JADE3: variants seen among roughly 807,000 people sequenced by gnomAD.
JADE3 encodes jade family PHD finger 3.
A neutral mutation model predicts 50.1 loss-of-function variants in JADE3; 2 were observed. The observed-to-expected ratio is 0.04, with a 90% CI of 0.02 to 0.13. The LOEUF is 0.13. JADE3 is among the 10% of genes least tolerant of loss of function. The pLI is 1.00. For missense variants in JADE3, 475 were observed against 634.4 expected, an observed-to-expected ratio of 0.75 and a Z score of 2.70; for synonymous variants, 218 against 232.9, an observed-to-expected ratio of 0.94 and a Z score of 0.58.
intron 7 of JADE3, among the ~76,000 whole-genome samples, chrX:47,035,177 G>A (rs1431548606): frequency 5.4e-5 from 6 of 110,498 alleles, no homozygotes; most frequent in African/African-American, 2.0e-4. Context: ...CAGCAAATTT[G>A]TTAGGCAGTT....
In JADE3 at chrX:47,035,378, A is replaced by G. The variant is rs782518199; in HGVS notation, c.855+1590A>G. On this transcript the variant is annotated intron_variant, in intron 7 of 10. Transcript: ENST00000614628. ...TATATACTTTTGTATTCCTATGGCT[A>G]TAGACATCAGTATTTTAAAAAAATA... Among the ~76,000 whole-genome samples, 4 of 112,147 alleles carry G rather than the reference A, an allele frequency of 3.6e-5. No individual in the cohort carries two copies. In the South Asian group the frequency reaches 1.5e-3, roughly 41 times the overall value.
Position 46,920,705 on chromosome X carries a change from C to T in JADE3, c.-12+7986C>T, listed in dbSNP as rs782297782. 2.2e-4 allele frequency among the ~76,000 whole-genome samples: 25 copies of T among 112,575 alleles called. No homozygotes were observed. The East Asian group carries it at 6.4e-3, about 29-fold the overall frequency. The stretch of plus-strand genomic sequence containing the variant: ...TATGGATGTCTAGTTGTCCCAGCAC[C>T]ACTTGTTGAAAAGACTACCCTTTCT... On this transcript the variant is annotated intron_variant, in intron 1 of 10. Coordinates refer to ENST00000614628, the MANE Select transcript of JADE3 (RefSeq NM_014735.5).
chrX:47,058,814 A>G lies in JADE3; in HGVS notation c.2209A>G (p.Thr737Ala). ...GGACCTCCAGTGCTATGTGAAGCCA[A>G]CCAAGAATATGAGCCCCAAGGAGCA... is the stretch of plus-strand genomic sequence containing the variant. ...TEDLQCYVKP[T>A]KNMSPKEQFW... Residue 737 changes from threonine (T) to alanine (A), a missense_variant, in exon 11 of 11, where the codon ACC (threonine) becomes GCC (alanine). This residue lies in a region of JADE3 where 243 missense variants were observed against 238.2 expected (regional missense o/e 1.02). Coordinates refer to ENST00000614628, the MANE Select transcript of JADE3 (RefSeq NM_014735.5). 1.7e-6 allele frequency: 2 copies of G among 1,210,844 alleles called. No homozygotes were observed. The highest frequency in any genetic ancestry group is 2.2e-5 in the Admixed American group (1 of 46,004).
intron 4 of JADE3, among the ~76,000 whole-genome samples, chrX:47,024,506 A>T (rs1472740424): frequency 1.8e-5 from 2 of 111,872 alleles, no homozygotes; most frequent in African/African-American, 6.5e-5. Flanking sequence ...AAATTTTTTT[A>T]AAAATTAGAA....
At chrX:46,934,687 G>A (rs1458805126) in intron 1 of JADE3, among the ~76,000 whole-genome samples, 2 of 109,439 alleles carry the variant, frequency 1.8e-5, no homozygotes, top group Admixed American at 9.8e-5. Context: ...CAACTACCTC[G>A]GCCTCCCAAA....
At chrX:47,040,285 A>G (rs1255967748) in intron 8 of JADE3, among the ~76,000 whole-genome samples, 3 of 112,136 alleles carry the variant, frequency 2.7e-5, no homozygotes, top group Non-Finnish European at 5.6e-5. Context: ...GTACTGGTCC[A>G]TGGCCTGTTA....
At chrX:46,930,950 A>C (rs1191543076) in intron 1 of JADE3, among the ~76,000 whole-genome samples, 6 of 111,806 alleles carry the variant, frequency 5.4e-5, no homozygotes, top group Non-Finnish European at 1.1e-4. Flanking sequence ...TATAATTAGG[A>C]GGAACCTTAG....
chrX:46,972,856 C>T (rs1325984740), intron 1 of JADE3, among the ~76,000 whole-genome samples: 2 of 112,082 alleles, frequency 1.8e-5, no homozygotes, highest in African/African-American at 6.5e-5. Flanking sequence ...GCCTCAGTGT[C>T]CCAAAGTGCT....
intron 1 of JADE3, among the ~76,000 whole-genome samples, chrX:46,917,799 G>GTCTCTCTCTCTC (rs57067547): frequency 1.6e-5 from 1 of 62,482 alleles, no homozygotes; most frequent in Non-Finnish European, 2.8e-5. Flanking sequence ...TGGGAGGTCT[G>GTCTCTCTCTCTC]TCTCTCTCTC....
At chrX:46,961,945 G>T (rs1364429905) in intron 1 of JADE3, among the ~76,000 whole-genome samples, 1 of 112,371 alleles carries the variant, frequency 8.9e-6, no homozygotes, top group Non-Finnish European at 1.9e-5. Flanking sequence ...AAATTCACAA[G>T]CTCAAGACCC....
intron 8 of JADE3, among the ~76,000 whole-genome samples, chrX:47,047,497 C>T (rs1284769275): frequency 3.7e-5 from 4 of 107,645 alleles, no homozygotes; most frequent in Non-Finnish European, 7.7e-5. Context: ...TGCGGTGAGC[C>T]GAGATCGCAC....
At chrX:47,049,183 T>TC (rs35689296) in intron 8 of JADE3, among the ~76,000 whole-genome samples, 18 of 97,270 alleles carry the variant, frequency 1.9e-4, no homozygotes, top group Non-Finnish European at 2.7e-4. Flanking sequence ...TTCTTCTTCT[T>TC]TTTTTTTTTT....
rs1929738295 is a variant in JADE3, at chrX:47,060,244, G to GC, written c.*1167_*1168insC. The GC allele has an allele frequency of 9.8e-6, 1 of 102,325 alleles. No individual in the cohort carries two copies. The highest frequency in any genetic ancestry group is 5.4e-4 in the South Asian group (1 of 1,835). 8.4% of individuals were successfully genotyped at this position (102,325 alleles called of 1,213,427 possible). ...AGAGAATAATTACATTTGCGGGGGG[G>GC]GGGGTGGATAAAAACATGTCTGCTT... On this transcript the variant is annotated 3_prime_UTR_variant, in exon 11 of 11. Coordinates refer to ENST00000614628, the MANE Select transcript of JADE3 (RefSeq NM_014735.5).
chrX:47,007,501 C>T (rs782541701), intron 4 of JADE3, among the ~76,000 whole-genome samples: 20 of 111,563 alleles, frequency 1.8e-4, no homozygotes, highest in Non-Finnish European at 3.8e-4. Flanking sequence ...TTCTTGATGA[C>T]ACTTTTATCA....
chrX:46,998,034 G>A (rs1420872011), intron 3 of JADE3, 86 bp from the exon 4 acceptor site: 1 of 746,861 alleles, frequency 1.3e-6, no homozygotes, highest in African/African-American at 2.1e-5. Flanking sequence ...CAGAGTGGAT[G>A]GGGATGGTCT....
intron 1 of JADE3, among the ~76,000 whole-genome samples, chrX:46,927,141 G>A (rs1239278213): frequency 8.9e-6 from 1 of 111,862 alleles, no homozygotes; most frequent in Non-Finnish European, 1.9e-5. Flanking sequence ...CTTTTTACTA[G>A]CTCTGCAACC....
chrX:47,009,893 G>A (rs1347591657), intron 4 of JADE3, among the ~76,000 whole-genome samples: 5 of 109,607 alleles, frequency 4.6e-5, no homozygotes, highest in East Asian at 5.8e-4. Flanking sequence ...CCAAAATACC[G>A]GGATTACAGG....
At chrX:47,008,385 C>A (rs1556360829) in intron 4 of JADE3, among the ~76,000 whole-genome samples, 1 of 111,595 alleles carries the variant, frequency 9.0e-6, no homozygotes, top group Admixed American at 9.5e-5. Flanking sequence ...TGACAATTTG[C>A]CAAGGGGTAG....
chrX:46,961,585 A>G (rs937359036), intron 1 of JADE3, among the ~76,000 whole-genome samples: 95 of 111,994 alleles, frequency 8.5e-4, no homozygotes, highest in African/African-American at 2.9e-3. Flanking sequence ...TTTGTGTGTC[A>G]GGAGTGGTGT....
Sources: gnomAD v4.1 joint callset for allele counts (sites outside exome capture counted in the v4.1 genomes callset) on GRCh38, gnomAD v4.1.1 for gene constraint, gnomAD v4.1.1 regional missense constraint, MANE v1.5 for transcripts, NCBI Gene and HGNC (gene_info 2026-07-23, HGNC 2026-07-21) for gene names.